The following ERP44 variants were observed in gnomAD, a reference collection of about 807,000 sequenced individuals.
ERP44 encodes endoplasmic reticulum protein 44.
Under a neutral mutation model 53.4 loss-of-function variants are expected in ERP44, and 25 were observed. That is an observed-to-expected ratio of 0.47 (90% CI 0.34 to 0.65). ERP44 has a LOEUF of 0.65. Ranked by LOEUF, ERP44 falls within the 30% of genes least tolerant of loss-of-function variation. ERP44 has a pLI of 0.01. For missense variants in ERP44, 338 were observed against 493.2 expected (o/e 0.69, Z 2.98); for synonymous variants, 145 against 161.2 (o/e 0.90, Z 0.76).
chr9:100,043,291 A>AAAAAAAAAAAAAAAAAAAAAAAAG lies in ERP44; in HGVS notation c.286+9125_286+9126insCTTTTTTTTTTTTTTTTTTTTTTT, dbSNP rs1168903331. Among the ~76,000 whole-genome samples, 25 of 74,924 alleles carry AAAAAAAAAAAAAAAAAAAAAAAAG rather than the reference A, an allele frequency of 3.3e-4. 8 individuals are homozygous for AAAAAAAAAAAAAAAAAAAAAAAAG. The highest frequency in any genetic ancestry group is 1.1e-3 in the East Asian group (2 of 1,780). The allele number at this position is 74,924 out of a possible 152,430, so 49.2% of individuals were successfully genotyped here. A position where few individuals can be genotyped will look rare whatever the true frequency, so the allele number is the denominator to read the frequency against. On this transcript the variant is annotated intron_variant, in intron 4 of 11. Transcript: ENST00000262455. ...AAAAAAAAAAAAAAAAAAAAAAAAA[A>AAAAAAAAAAAAAAAAAAAAAAAAG]GATAAATAAGACATAGTATTTGCTA...
chr9:100,061,503 T>C (rs954351177), intron 1 of ERP44, among the ~76,000 whole-genome samples: 1 of 146,574 alleles, frequency 6.8e-6, no homozygotes, highest in Non-Finnish European at 1.5e-5. Context: ...TATATATTTA[T>C]AGAAATGTAT....
chr9:100,047,921 C>T (rs1170363488), intron 4 of ERP44, among the ~76,000 whole-genome samples: 1 of 152,024 alleles, frequency 6.6e-6, no homozygotes, highest in African/African-American at 2.4e-5. Flanking sequence ...TTAAAATGGG[C>T]AAAGGAGTTG....
rs1461660140 is a variant in ERP44 at position 100,020,564 on chromosome 9, T to A, written c.587+52A>T. 5 of 901,662 alleles carry A rather than the reference T, an allele frequency of 5.5e-6. No homozygotes were observed. The African/African-American group carries it at 6.6e-5, about 12-fold the overall frequency. 55.9% of individuals were successfully genotyped at this position (901,662 alleles called of 1,614,324 possible). A position where few individuals can be genotyped will look rare whatever the true frequency, so the allele number is the denominator to read the frequency against. ...GGAAATGACCAAATACAACAGCAATTTAACATGGCAGCCAACCAACCCACT... is the reference window on the plus strand; with the variant it reads ...GGAAATGACCAAATACAACAGCAATATAACATGGCAGCCAACCAACCCACT... On this transcript the variant is annotated intron_variant, in intron 6 of 11. Coordinates refer to ENST00000262455, the MANE Select transcript of ERP44 (RefSeq NM_015051.3).
chr9:99,991,501 A>G (rs907609861), intron 10 of ERP44, among the ~76,000 whole-genome samples: 10 of 152,234 alleles, frequency 6.6e-5, no homozygotes, highest in Non-Finnish European at 1.3e-4. Flanking sequence ...GGTCTCTGGG[A>G]AACATTTAAA....
At chr9:100,022,278 T>TG (rs1331481228) in intron 4 of ERP44, 52 bp from the exon 5 acceptor site, 1 of 1,433,468 alleles carries the variant, frequency 7.0e-7, no homozygotes, top group Admixed American at 2.3e-5. Flanking sequence ...AGGGCAAGCC[T>TG]GTTTGCCTAA....
chr9:100,033,084 G>T (rs1168831770), intron 4 of ERP44, among the ~76,000 whole-genome samples: 1 of 152,066 alleles, frequency 6.6e-6, no homozygotes, highest in Non-Finnish European at 1.5e-5. Flanking sequence ...GAGCATATTT[G>T]TTTCTACCTG....
intron 7 of ERP44, among the ~76,000 whole-genome samples, chr9:100,017,479 A>C (rs2118647942): frequency 6.6e-6 from 1 of 152,376 alleles, no homozygotes. Flanking sequence ...ATACTAAGTA[A>C]GCTACTCAAA....
chr9:100,018,165 TA>T, intron 7 of ERP44, 90 bp downstream of exon 7: 3 of 834,822 alleles, frequency 3.6e-6, no homozygotes, highest in South Asian at 1.4e-5. Context: ...AAAGTTCTAT[TA>T]GTCTATGAAC....
Position 99,996,895 on chromosome 9 carries a change from G to GTGTATATATATACATATATATATA in ERP44, c.1016+9587_1016+9610dup, listed in dbSNP as rs1830314525. Among the ~76,000 whole-genome samples the GTGTATATATATACATATATATATA allele has an allele frequency of 3.1e-4, 6 of 19,260 alleles. No individual in the cohort carries two copies. In the African/African-American group the frequency reaches 3.4e-3, roughly 11 times the overall value. 12.6% of individuals were successfully genotyped at this position (19,260 alleles called of 152,430 possible). ...GGCTGAGCAGTATTCCATCGTGTAT[G>GTGTATATATATACATATATATATA]TGTATATATATACATATATATATAT... On this transcript the variant is annotated intron_variant, in intron 10 of 11. Transcript: ENST00000262455.
chr9:99,986,100 T>C (rs563454858), intron 10 of ERP44, among the ~76,000 whole-genome samples: 2 of 152,348 alleles, frequency 1.3e-5, no homozygotes, highest in East Asian at 1.9e-4. Flanking sequence ...TGTACCAGGC[T>C]TTCTTCTTTG....
rs776694224 is a variant in ERP44 at position 100,018,236 on chromosome 9, A to G, written c.645+20T>C. On this transcript the variant is annotated intron_variant, in intron 7 of 11. Transcript: ENST00000262455. ...TTTAAATTATATCTTATCATACAAC[A>G]TTAAGAAATAGCAACTTACCCCTGG... The G allele has an allele frequency of 4.0e-6, 6 of 1,492,114 alleles. No homozygotes were observed. The highest frequency in any genetic ancestry group is 2.3e-5 in the South Asian group (2 of 88,550). 92.4% of individuals were successfully genotyped at this position (1,492,114 alleles called of 1,614,324 possible). A position where few individuals can be genotyped will look rare whatever the true frequency, so the allele number is the denominator to read the frequency against.
chr9:100,095,453 T>TA (rs1188496379), intron 1 of ERP44, among the ~76,000 whole-genome samples: 4 of 151,880 alleles, frequency 2.6e-5, no homozygotes, highest in African/African-American at 7.3e-5. Flanking sequence ...TATTTTTTTT[T>TA]AAAAAAAGGG....
At chr9:100,054,633 G>A (rs1826071395) in intron 3 of ERP44, among the ~76,000 whole-genome samples, 1 of 152,148 alleles carries the variant, frequency 6.6e-6, no homozygotes, top group South Asian at 2.1e-4. Context: ...GAAGCATTTT[G>A]GATTTCGTAT....
chr9:100,077,605 T>G (rs1826371995), intron 1 of ERP44, among the ~76,000 whole-genome samples: 1 of 152,198 alleles, frequency 6.6e-6, no homozygotes, highest in Admixed American at 6.5e-5. Flanking sequence ...AACATTACGT[T>G]CTGCTGGCCT....
intron 1 of ERP44, among the ~76,000 whole-genome samples, chr9:100,079,542 A>T (rs149454136): frequency 6.6e-6 from 1 of 152,132 alleles, no homozygotes; most frequent in East Asian, 1.9e-4. Flanking sequence ...CCTCTTCTTA[A>T]CAGGACTCTT....
rs551301527 is a variant in ERP44, at chr9:100,070,645, C to T, written c.58-10473G>A. On this transcript the variant is annotated intron_variant, in intron 1 of 11. Transcript: ENST00000262455. ...TTCTGCTTCTTGATGGGATGCAATA[C>T]GAAACAGAAAGCACCACTTGTAAAT... Among the ~76,000 whole-genome samples, 3 of 152,228 alleles carry T rather than the reference C, an allele frequency of 2.0e-5. No individual in the cohort carries two copies. The East Asian group carries it at 5.8e-4, about 29-fold the overall frequency.
At chr9:100,083,058 TAGAA>T (rs1247965179) in intron 1 of ERP44, among the ~76,000 whole-genome samples, 3 of 148,020 alleles carry the variant, frequency 2.0e-5, no homozygotes, top group Non-Finnish European at 3.0e-5. Context: ...TAACAAATAA[TAGAA>T]AGAATGAATA....
At chr9:100,034,061 T>C (rs1345052466) in intron 4 of ERP44, among the ~76,000 whole-genome samples, 7 of 152,094 alleles carry the variant, frequency 4.6e-5, no homozygotes. Flanking sequence ...CCATGTTGCA[T>C]AGGGGTTGGG....
At chr9:100,097,362 T>C (rs1826647346) in intron 1 of ERP44, among the ~76,000 whole-genome samples, 1 of 152,158 alleles carries the variant, frequency 6.6e-6, no homozygotes, top group Non-Finnish European at 1.5e-5. Flanking sequence ...CCCTTTTTTT[T>C]TGATTTCCTA....
Sources: allele counts gnomAD v4.1 joint callset (sites outside exome capture counted in the v4.1 genomes callset), GRCh38; gene constraint gnomAD v4.1.1; transcripts MANE v1.5; gene names NCBI Gene and HGNC (gene_info 2026-07-23, HGNC 2026-07-21).